KANSL1L: variants seen among roughly 807,000 people sequenced by gnomAD.
KANSL1L encodes KAT8 regulatory NSL complex subunit 1 like, also known as KAT8 regulatory NSL complex subunit 1-like protein.
KANSL1L carries 25 observed loss-of-function variants against 108.6 expected under a neutral mutation model. That is an observed-to-expected ratio of 0.23 (90% CI 0.17 to 0.32). The LOEUF is 0.32. Among genes scored for constraint, KANSL1L ranks in the 10% least tolerant of loss-of-function variants. The pLI is 1.00. For synonymous variants in KANSL1L, 405 were observed against 395.1 expected (o/e 1.03, Z -0.30); for missense variants, 1,137 against 1,125.7 (o/e 1.01, Z -0.14).
At chr2:210,147,395 G>A (rs540393440) in intron 2 of KANSL1L, among the ~76,000 whole-genome samples, 21 of 152,226 alleles carry the variant, frequency 1.4e-4, no homozygotes, top group Non-Finnish European at 2.9e-4. Context: ...TCAGACTGCA[G>A]TGAGCTATGA....
intron 2 of KANSL1L, among the ~76,000 whole-genome samples, chr2:210,138,711 C>T (rs1027562694): frequency 2.0e-5 from 3 of 152,136 alleles, no homozygotes; most frequent in African/African-American, 7.2e-5. Flanking sequence ...TTAAACCATG[C>T]TAATTAACAT....
chr2:210,171,100 AGGGAAGACCCACCCCC>A (rs1688311329), intron 1 of KANSL1L, 33 bp downstream of exon 1: 1 of 152,338 alleles, frequency 6.6e-6, no homozygotes, highest in Admixed American at 6.6e-5. Flanking sequence ...CGTCCCCAAG[AGGGAAGACCCACCCCC>A]GTCATCCCGC....
rs1559625223 is a variant in KANSL1L, at chr2:210,171,342, CGGTTT to C, written c.-228_-224del. 1.1e-5 allele frequency: 2 copies of C among 180,038 alleles called. No individual in the cohort carries two copies. The highest frequency in any genetic ancestry group is 3.2e-4 in the South Asian group (2 of 6,304). The allele number at this position is 180,038 out of a possible 1,614,324, so 11.2% of individuals were successfully genotyped here. A position where few individuals can be genotyped will look rare whatever the true frequency, so the allele number is the denominator to read the frequency against. On this transcript the variant is annotated 5_prime_UTR_variant, in exon 1 of 15. Transcript: ENST00000281772. ...GCCGCCGCCGCCGCCGCCGCCGCCG[CGGTTT>C]AACAGTCCGCCCGCTGCCCGCAGCT...
At position 210,154,412 on chromosome 2, in the gene KANSL1L, A is replaced by C. The variant is rs760011329; in HGVS notation, c.171T>G (p.Thr57=). 2.4e-5 allele frequency: 38 copies of C among 1,612,584 alleles called. 1 individual carries two copies. The South Asian group carries it at 3.5e-4, about 15-fold the overall frequency. The change falls in exon 2 of 15, where the codon ACT becomes ACG. Residue 57 remains threonine (T), a synonymous_variant. Transcript: ENST00000281772. ...QMLGFPTPEP[T]LNTNFVNLKH... The stretch of plus-strand genomic sequence containing the variant: ...TTAAATTCACAAAATTAGTATTAAG[A>C]GTAGGTTCAGGAGTTGGAAATCCAA...
intron 13 of KANSL1L, among the ~76,000 whole-genome samples, chr2:210,024,707 ATTTT>A: frequency 6.6e-6 from 1 of 152,162 alleles, no homozygotes; most frequent in Non-Finnish European, 1.5e-5. Context: ...TTCTTGAGAA[ATTTT>A]TTATTTTTTT....
At chr2:210,111,730 A>T (rs913542937) in intron 3 of KANSL1L, among the ~76,000 whole-genome samples, 5 of 151,830 alleles carry the variant, frequency 3.3e-5, no homozygotes, top group South Asian at 2.1e-4. Flanking sequence ...AACTTTTTTT[A>T]AAAAATTTTA....
rs543242198 is a variant in KANSL1L, at chr2:210,071,980, A to G, written c.1755+3572T>C. 4.6e-5 allele frequency among the ~76,000 whole-genome samples: 7 copies of G among 152,352 alleles called. No homozygotes were observed. The South Asian group carries it at 1.5e-3, about 32-fold the overall frequency. ...CTTAATATTTCAATGTGTATTTCATAGAATAAGGATATTTTCTTACATAAC... is the reference window on the plus strand; with the variant it reads ...CTTAATATTTCAATGTGTATTTCATGGAATAAGGATATTTTCTTACATAAC... On this transcript the variant is annotated intron_variant, in intron 6 of 14. Coordinates refer to ENST00000281772, the MANE Select transcript of KANSL1L (RefSeq NM_152519.4).
Position 210,153,767 on chromosome 2 carries a change from C to A in KANSL1L, c.816G>T (p.Met272Ile), listed in dbSNP as rs2095317721. Residue 272 changes from methionine (M) to isoleucine (I), a missense_variant, in exon 2 of 15, where the codon ATG becomes ATT. Physicochemically the swap from Met to Ile is conservative, Grantham distance 10. Around this residue, in one of 3 missense-constraint regions of KANSL1L, gnomAD observed 556 missense variants for 537.7 expected, o/e 1.03. Transcript: ENST00000281772. The part of the protein sequence containing the change: ...KLSMKHQLPK[M>I]KTFHEPTTIL... Reference sequence around the variant, plus strand: ...TTGTGGTAGGTTCATGAAATGTCTTCATTTTGGGGAGTTGATGTTTCATAG... The same window carrying A: ...TTGTGGTAGGTTCATGAAATGTCTTAATTTTGGGGAGTTGATGTTTCATAG... 2.5e-6 allele frequency: 4 copies of A among 1,611,784 alleles called. No homozygotes were observed. Among genetic ancestry groups the A allele is most frequent in the South Asian group, 1.1e-5 (1 of 90,562 alleles).
At chr2:210,099,401 T>C (rs1309564273) in intron 4 of KANSL1L, among the ~76,000 whole-genome samples, 2 of 152,146 alleles carry the variant, frequency 1.3e-5, no homozygotes, top group Non-Finnish European at 2.9e-5. Context: ...TGAGACTAAA[T>C]AATAGAATAA....
Position 210,075,586 on chromosome 2 carries a change from TAC to T in KANSL1L, c.1719_1720del (p.Tyr574GlnfsTer37). On this transcript the variant is annotated frameshift_variant, in exon 6 of 15. Coordinates refer to ENST00000281772, the MANE Select transcript of KANSL1L (RefSeq NM_152519.4). LOFTEE classifies it high-confidence loss of function. The stretch of plus-strand genomic sequence containing the variant: ...CCAATAAAAAGTAGGGCTCAATCTG[TAC>T]AGTTTTCGTTTGTGGAAACTCTGAA... 6.2e-7 allele frequency: 1 copy of T among 1,614,112 alleles called. No homozygotes were observed. The highest frequency in any genetic ancestry group is 8.5e-7 in the Non-Finnish European group (1 of 1,179,954).
At chr2:210,100,017 T>C (rs2094777774) in intron 4 of KANSL1L, among the ~76,000 whole-genome samples, 1 of 152,122 alleles carries the variant, frequency 6.6e-6, no homozygotes, top group Non-Finnish European at 1.5e-5. Flanking sequence ...AAAGTAGAAG[T>C]CCCCAACCCC....
chr2:210,048,965 T>G (rs2094257305), intron 6 of KANSL1L, among the ~76,000 whole-genome samples: 1 of 152,204 alleles, frequency 6.6e-6, no homozygotes, highest in Non-Finnish European at 1.5e-5. Context: ...TGACTTATTA[T>G]AAATTCTATG....
At chr2:210,105,750 A>G (rs1474884142) in intron 3 of KANSL1L, among the ~76,000 whole-genome samples, 1 of 152,112 alleles carries the variant, frequency 6.6e-6, no homozygotes, top group African/African-American at 2.4e-5. Context: ...TTTTAAAAAA[A>G]TCTACATTTT....
Position 210,153,817 on chromosome 2 carries a change from G to A in KANSL1L, c.766C>T (p.His256Tyr). The change falls in exon 2 of 15, where the codon CAC becomes TAC. Residue 256 changes from histidine (H) to tyrosine (Y), a missense_variant. By Grantham distance (83) the His-to-Tyr change is moderately conservative. Transcript: ENST00000281772. ...GACAATTTCATCTGCTGACCATAGT[G>A]CTTAACAACATGCTTTGCCAGGAGC... is the stretch of plus-strand genomic sequence containing the variant. The part of the protein sequence containing the change: ...QMLLAKHVVK[H>Y]YGQQMKLSMK... 6.2e-7 allele frequency: 1 copy of A among 1,613,230 alleles called. No homozygotes were observed. Among genetic ancestry groups the A allele is most frequent in the Non-Finnish European group, 8.5e-7 (1 of 1,179,804 alleles).
rs1419595048 is a variant in KANSL1L at position 210,029,786 on chromosome 2, CAT to C, written c.2271+15_2271+16del. 2 of 1,291,892 alleles carry C rather than the reference CAT, an allele frequency of 1.5e-6. No homozygotes were observed. Among genetic ancestry groups the C allele is most frequent in the Non-Finnish European group, 2.2e-6 (2 of 904,170 alleles). 80.0% of individuals were successfully genotyped at this position (1,291,892 alleles called of 1,614,324 possible). ...TTTTTAAAGCTATTTTAGAGTTCAA[CAT>C]ATGGAAAAACCTACTCGTGATGAAT... On this transcript the variant is annotated intron_variant, in intron 10 of 14. Coordinates refer to ENST00000281772, the MANE Select transcript of KANSL1L (RefSeq NM_152519.4).
intron 6 of KANSL1L, among the ~76,000 whole-genome samples, chr2:210,048,720 G>T (rs1206310235): frequency 6.6e-6 from 1 of 151,502 alleles, no homozygotes; most frequent in Non-Finnish European, 1.5e-5. Flanking sequence ...CCTTAGTGTT[G>T]TGTGTTCTGT....
At chr2:210,133,601 AT>A (rs1323499480) in intron 2 of KANSL1L, among the ~76,000 whole-genome samples, 1 of 151,596 alleles carries the variant, frequency 6.6e-6, no homozygotes, top group Admixed American at 6.6e-5. Context: ...TTTGGGTTTA[AT>A]TTAGTATTAT....
chr2:210,135,576 T>A (rs1376189753), intron 2 of KANSL1L, among the ~76,000 whole-genome samples: 1 of 152,098 alleles, frequency 6.6e-6, no homozygotes, highest in Non-Finnish European at 1.5e-5. Flanking sequence ...ATGATTGGGT[T>A]TATCATTAAA....
chr2:210,155,084 A>G (rs1374204894), intron 1 of KANSL1L: 2 of 152,192 alleles, frequency 1.3e-5, no homozygotes, highest in Non-Finnish European at 2.9e-5. Context: ...GGTATTAATA[A>G]CAAGAACTAA....
Sources: gnomAD v4.1 joint callset for allele counts (sites outside exome capture counted in the v4.1 genomes callset) on GRCh38, gnomAD v4.1.1 for gene constraint, gnomAD v4.1.1 regional missense constraint, MANE v1.5 for transcripts, NCBI Gene and HGNC (gene_info 2026-07-23, HGNC 2026-07-21) for gene names.